The following CNTNAP2 variants were observed in gnomAD, a reference collection of about 807,000 sequenced individuals.
CNTNAP2 encodes the protein contactin associated protein 2.
CNTNAP2 carries 98 observed loss-of-function variants against 155.2 expected under a neutral mutation model. The observed-to-expected ratio is 0.63, with a 90% CI of 0.54 to 0.75. The LOEUF (loss-of-function observed/expected upper bound fraction) is 0.75, where lower values mean the gene tolerates loss of function less well. Ranked by LOEUF, CNTNAP2 falls within the 30% of genes least tolerant of loss-of-function variation. The pLI is 0.00. For synonymous variants in CNTNAP2, 651 were observed against 631.2 expected, an observed-to-expected ratio of 1.03 and a Z score of -0.47; for missense variants, 1,727 against 1,688.1, an observed-to-expected ratio of 1.02 and a Z score of -0.40.
intron 15 of CNTNAP2, among the ~76,000 whole-genome samples, chr7:148,043,989 T>C (rs1214811445): frequency 3.3e-5 from 5 of 152,228 alleles, no homozygotes; most frequent in Non-Finnish European, 5.9e-5. Context: ...TAAATTATTT[T>C]TCATGTCTTA....
chr7:147,495,759 C>T lies in CNTNAP2; in HGVS notation c.1777+9718C>T, dbSNP rs1050111298. ...TTCTTCATAAGTCATTTTTTTAAAT[C>T]GTGAAACAACTTATATCCATTAGAA... On this transcript the variant is annotated intron_variant, in intron 11 of 23. Coordinates refer to ENST00000361727, the MANE Select transcript of CNTNAP2 (RefSeq NM_014141.6). 3.9e-5 allele frequency among the ~76,000 whole-genome samples: 6 copies of T among 152,090 alleles called. No individual in the cohort carries two copies. In the South Asian group the frequency reaches 8.3e-4, roughly 21 times the overall value.
chr7:148,268,165 A>G (rs1377045490), intron 21 of CNTNAP2, among the ~76,000 whole-genome samples: 1 of 152,190 alleles, frequency 6.6e-6, no homozygotes, highest in Non-Finnish European at 1.5e-5. Context: ...AAGCCAATGA[A>G]TTTTGTTCAT....
intron 21 of CNTNAP2, among the ~76,000 whole-genome samples, chr7:148,334,595 C>G (rs1798084678): frequency 6.6e-6 from 1 of 152,230 alleles, no homozygotes; most frequent in African/African-American, 2.4e-5. Context: ...ATAGCCCCAT[C>G]TGGTTGTGCA....
chr7:148,386,959 T>G (rs2116666948), intron 22 of CNTNAP2, among the ~76,000 whole-genome samples: 1 of 152,200 alleles, frequency 6.6e-6, no homozygotes, highest in Non-Finnish European at 1.5e-5. Context: ...GATAAAGAGT[T>G]TGTGATAGTG....
At chr7:146,644,045 T>C (rs1364436951) in intron 1 of CNTNAP2, among the ~76,000 whole-genome samples, 1 of 152,156 alleles carries the variant, frequency 6.6e-6, no homozygotes. Context: ...TGCTTATCAG[T>C]TTAAGGAGAT....
intron 17 of CNTNAP2, among the ~76,000 whole-genome samples, chr7:148,164,552 T>G (rs1219052416): frequency 4.1e-5 from 6 of 146,422 alleles, no homozygotes; most frequent in Non-Finnish European, 1.5e-5. Flanking sequence ...GACACAGCCC[T>G]CCACGAATGA....
intron 21 of CNTNAP2, among the ~76,000 whole-genome samples, chr7:148,324,750 G>T (rs66978295): frequency 7.0e-6 from 1 of 142,420 alleles, no homozygotes; most frequent in Admixed American, 7.3e-5. Flanking sequence ...AGCCAAGATC[G>T]TGCCACTGCA....
chr7:146,171,862 A>C (rs2116820546), intron 1 of CNTNAP2, among the ~76,000 whole-genome samples: 1 of 152,208 alleles, frequency 6.6e-6, no homozygotes, highest in South Asian at 2.1e-4. Context: ...ATTAATTAAA[A>C]TTATATTCAC....
chr7:148,322,341 T>A (rs940988284), intron 21 of CNTNAP2, among the ~76,000 whole-genome samples: 5 of 152,184 alleles, frequency 3.3e-5, no homozygotes, highest in African/African-American at 1.2e-4. Flanking sequence ...TTTCACACTC[T>A]CGTACACTCT....
intron 9 of CNTNAP2, among the ~76,000 whole-genome samples, chr7:147,357,471 A>C (rs901724871): frequency 3.9e-5 from 6 of 152,092 alleles, no homozygotes; most frequent in Non-Finnish European, 7.4e-5. Context: ...AGGTGATGGA[A>C]TCTGTTGATC....
At chr7:147,086,148 T>C (rs1800271938) in intron 4 of CNTNAP2, among the ~76,000 whole-genome samples, 1 of 152,206 alleles carries the variant, frequency 6.6e-6, no homozygotes, top group South Asian at 2.1e-4. Context: ...ATGAATATTT[T>C]TAAAGGAGCA....
At chr7:147,856,311 T>G (rs1799038789) in intron 13 of CNTNAP2, among the ~76,000 whole-genome samples, 1 of 152,082 alleles carries the variant, frequency 6.6e-6, no homozygotes, top group Admixed American at 6.6e-5. Context: ...AAGGAGAACT[T>G]GAAGAAAAGA....
chr7:146,565,402 T>G (rs1798342508), intron 1 of CNTNAP2, among the ~76,000 whole-genome samples: 1 of 152,148 alleles, frequency 6.6e-6, no homozygotes. Flanking sequence ...TTTTTGTTAA[T>G]GTTAAATAAC....
intron 11 of CNTNAP2, among the ~76,000 whole-genome samples, chr7:147,559,047 A>T (rs1800008043): frequency 2.6e-5 from 4 of 151,666 alleles, no homozygotes; most frequent in Admixed American, 2.6e-4. Flanking sequence ...AATATTTTTT[A>T]AAAATGTCTG....
chr7:146,825,183 A>G (rs1199036385), intron 2 of CNTNAP2, among the ~76,000 whole-genome samples: 1 of 152,122 alleles, frequency 6.6e-6, no homozygotes, highest in Admixed American at 6.6e-5. Flanking sequence ...CACACCCACA[A>G]TGCTTTTGGT....
chr7:147,713,670 C>T (rs1796436677), intron 13 of CNTNAP2, among the ~76,000 whole-genome samples: 1 of 152,040 alleles, frequency 6.6e-6, no homozygotes, highest in Admixed American at 6.6e-5. Context: ...AGTGGGATTG[C>T]TGGATTGTAT....
intron 1 of CNTNAP2, among the ~76,000 whole-genome samples, chr7:146,721,810 G>T (rs1392983678): frequency 9.1e-6 from 1 of 110,360 alleles, no homozygotes; most frequent in Non-Finnish European, 1.7e-5. Flanking sequence ...ACTATATATA[G>T]TCTATATATG....
At position 147,795,582 on chromosome 7, in the gene CNTNAP2, G is replaced by A. The variant is rs1362628597; in HGVS notation, c.2099-107983G>A. Among the ~76,000 whole-genome samples, 5 of 151,480 alleles carry A rather than the reference G, an allele frequency of 3.3e-5. 1 individual carries two copies. Among genetic ancestry groups the A allele is most frequent in the African/African-American group, 1.2e-4 (5 of 41,276 alleles). ...TTTAAATTAGAAGTTATCTGTCTAA[G>A]GTCTTCAAGGGCAAATATTTCATAA... is the stretch of plus-strand genomic sequence containing the variant. On this transcript the variant is annotated intron_variant, in intron 13 of 23. Transcript: ENST00000361727.
At chr7:146,529,359 A>C (rs905999901) in intron 1 of CNTNAP2, among the ~76,000 whole-genome samples, 2 of 152,310 alleles carry the variant, frequency 1.3e-5, no homozygotes, top group African/African-American at 4.8e-5. Context: ...GTCAGTATAT[A>C]ACTTCAGTCT....
Sources: gnomAD v4.1 joint callset for allele counts (sites outside exome capture counted in the v4.1 genomes callset) on GRCh38, gnomAD v4.1.1 for gene constraint, MANE v1.5 for transcripts, NCBI Gene and HGNC (gene_info 2026-07-23, HGNC 2026-07-21) for gene names.